Variants in KIAA1191 observed in about 807,000 individuals in gnomAD.
The protein encoded by KIAA1191 is putative monooxygenase p33MONOX.
A neutral mutation model predicts 31.1 loss-of-function variants in KIAA1191; 22 were observed. The observed-to-expected ratio is 0.71, with a 90% CI of 0.51 to 1.01. The LOEUF is 1.01. Ranked by LOEUF, KIAA1191 falls within the 50% of genes least tolerant of loss-of-function variation. The pLI, the probability that KIAA1191 is intolerant of heterozygous loss-of-function variation, is 0.00. For missense variants in KIAA1191, 319 were observed against 388.0 expected (o/e 0.82, Z 1.49); for synonymous variants, 130 against 143.9 (o/e 0.90, Z 0.69).
Position 176,346,870 on chromosome 5 carries a change from G to A in KIAA1191, c.*730C>T, listed in dbSNP as rs540601050. On this transcript the variant is annotated 3_prime_UTR_variant, in exon 9 of 9. Coordinates refer to ENST00000298569, the MANE Select transcript of KIAA1191 (RefSeq NM_020444.5). ...GGAGCACAGCACCAGTCATCAACAG[G>A]GCCAAAGTCGTCTTAGCGAGTCAGT... is the stretch of plus-strand genomic sequence containing the variant. The A allele has an allele frequency of 6.6e-6, 1 of 152,232 alleles. No homozygotes were observed. The highest frequency in any genetic ancestry group is 2.1e-4 in the South Asian group (1 of 4,820). 9.4% of individuals were successfully genotyped at this position (152,232 alleles called of 1,614,324 possible). A position where few individuals can be genotyped will look rare whatever the true frequency, so the allele number is the denominator to read the frequency against.
chr5:176,349,845 C>T (rs775172534), intron 6 of KIAA1191, among the ~76,000 whole-genome samples: 14 of 151,978 alleles, frequency 9.2e-5, no homozygotes, highest in East Asian at 1.9e-4. Context: ...TGGATTCTGA[C>T]CCCCCCTTGC....
intron 3 of KIAA1191, 104 bp downstream of exon 3, chr5:176,359,377 G>T: frequency 1.0e-6 from 1 of 999,904 alleles, no homozygotes; most frequent in Non-Finnish European, 1.6e-6. Flanking sequence ...TCGCTTGGTA[G>T]CAGAGATTAA....
At chr5:176,357,390 T>C (rs546098725) in intron 3 of KIAA1191, 1 of 152,294 alleles carries the variant, frequency 6.6e-6, no homozygotes, top group East Asian at 1.9e-4. Flanking sequence ...ATCACGACAT[T>C]GTTCACTTTC....
rs1766585381 is a variant in KIAA1191 at position 176,347,259 on chromosome 5, T to C, written c.*341A>G. 6.0e-6 allele frequency: 1 copy of C among 165,866 alleles called. No individual in the cohort carries two copies. The highest frequency in any genetic ancestry group is 1.3e-5 in the Non-Finnish European group (1 of 77,346). The allele number at this position is 165,866 out of a possible 1,614,324, so 10.3% of individuals were successfully genotyped here. On this transcript the variant is annotated 3_prime_UTR_variant, in exon 9 of 9. Transcript: ENST00000298569. ...TTCTGTCGCCCAGGCTGGAGTGTAA[T>C]GGCATGATCTCAGCTCGGTACAACA...
intron 6 of KIAA1191, 84 bp from the exon 7 acceptor site, chr5:176,348,440 C>T (rs1766711820): frequency 5.2e-6 from 5 of 955,696 alleles, no homozygotes; most frequent in Admixed American, 2.2e-5. Context: ...AAATTTGGTT[C>T]GCATTCTAAC....
chr5:176,355,489 A>C lies in KIAA1191; in HGVS notation c.207+82T>G. The C allele has an allele frequency of 7.4e-7, 1 of 1,351,542 alleles. No homozygotes were observed. The highest frequency in any genetic ancestry group is 1.0e-6 in the Non-Finnish European group (1 of 968,152). The allele number at this position is 1,351,542 out of a possible 1,614,324, so 83.7% of individuals were successfully genotyped here. Reference sequence around the variant, plus strand: ...GTGGTTGCTGCCCAGTCCCATGGGCACAGGGAGCCACTGAAGGCTTCTGGA... The same window carrying C: ...GTGGTTGCTGCCCAGTCCCATGGGCCCAGGGAGCCACTGAAGGCTTCTGGA... On this transcript the variant is annotated intron_variant, in intron 4 of 8. Coordinates refer to ENST00000298569, the MANE Select transcript of KIAA1191 (RefSeq NM_020444.5). The surrounding 1 kb of genome is among the most constrained non-coding windows in gnomAD (Gnocchi z 4.2).
At chr5:176,354,178 G>A (rs1256943872) in intron 4 of KIAA1191, 1 of 152,240 alleles carries the variant, frequency 6.6e-6, no homozygotes, top group African/African-American at 2.4e-5. Context: ...TACATCCCCT[G>A]ACTGAATCCC....
chr5:176,349,094 T>C (rs1268910757), intron 6 of KIAA1191: 1 of 152,228 alleles, frequency 6.6e-6, no homozygotes, highest in Non-Finnish European at 1.5e-5. Context: ...TGTTACAAGA[T>C]GTAAGTTACA....
chr5:176,347,785 G>A lies in KIAA1191; in HGVS notation c.733C>T (p.Arg245Ter), dbSNP rs1054413164. The A allele has an allele frequency of 2.5e-6, 4 of 1,601,010 alleles. No homozygotes were observed. Among genetic ancestry groups the A allele is most frequent in the Non-Finnish European group, 3.4e-6 (4 of 1,174,050 alleles). Residue 245 changes from arginine (R) to a stop codon, truncating the protein, a stop_gained, in exon 9 of 9, where the codon CGA (arginine) becomes TGA (stop). Coordinates refer to ENST00000298569, the MANE Select transcript of KIAA1191 (RefSeq NM_020444.5). LOFTEE classifies it high-confidence loss of function. ...DSGSFATQAY[R>*]GAQKPSPLEL... ...AATGGAGAGGGCTTCTGGGCTCCTC[G>A]GTAGGCCTGGGTGGCAAAACTTCCT...
chr5:176,355,103 G>A lies in KIAA1191; in HGVS notation c.207+468C>T, dbSNP rs1224961642. ...GTAACTTGCACAGTTCAAGCACTGG[G>A]TAGGGGAGCTGGAGAGATGCAGGCA... On this transcript the variant is annotated intron_variant, in intron 4 of 8. Transcript: ENST00000298569. The surrounding 1 kb of genome is among the most constrained non-coding windows in gnomAD (Gnocchi z 4.2). Among the ~76,000 whole-genome samples the A allele has an allele frequency of 6.6e-6, 1 of 152,182 alleles. No individual in the cohort carries two copies. The highest frequency in any genetic ancestry group is 6.5e-5 in the Admixed American group (1 of 15,278).
rs11542891 is a variant in KIAA1191 at position 176,355,638 on chromosome 5, G to A, written c.140C>T (p.Pro47Leu). ...CCAAGGGACGCTGCCCATGTCCGAT[G>A]GAGGAGGAGTCATGGGCGCAGGGTC... ...LEDPAPMTPP[P>L]SDMGSVPWKP... is the part of the protein sequence containing the mutation. Residue 47 changes from proline to leucine, a missense_variant, in exon 4 of 9, where the codon CCA becomes CTA. By Grantham distance (98) the Pro-to-Leu change is moderately conservative. Transcript: ENST00000298569. The surrounding 1 kb of genome is among the most constrained non-coding windows in gnomAD (Gnocchi z 4.2). The A allele has an allele frequency of 1.2e-6, 2 of 1,612,830 alleles. No homozygotes were observed. Among genetic ancestry groups the A allele is most frequent in the Non-Finnish European group, 1.7e-6 (2 of 1,179,972 alleles).
chr5:176,348,412 G>C (rs2113456824), intron 6 of KIAA1191, 56 bp from the exon 7 acceptor site: 1 of 1,358,808 alleles, frequency 7.4e-7, no homozygotes, highest in Non-Finnish European at 1.0e-6. Flanking sequence ...ATTCCAAACA[G>C]ATAAGTCTAG....
Position 176,359,463 on chromosome 5 carries a change from A to T in KIAA1191, c.28+18T>A. 1 of 1,612,660 alleles carries T rather than the reference A, an allele frequency of 6.2e-7. No homozygotes were observed. The highest frequency in any genetic ancestry group is 8.5e-7 in the Non-Finnish European group (1 of 1,178,826). On this transcript the variant is annotated intron_variant, in intron 3 of 8. Coordinates refer to ENST00000298569, the MANE Select transcript of KIAA1191 (RefSeq NM_020444.5). Reference sequence around the variant, plus strand: ...AATAAGGGCAAAACATGATTTTACCAAAAAGAATTAAGTTTACCAGGCACT... The same window carrying T: ...AATAAGGGCAAAACATGATTTTACCTAAAAGAATTAAGTTTACCAGGCACT...
At position 176,347,646 on chromosome 5, in the gene KIAA1191, T is replaced by A. The variant is rs763188215; in HGVS notation, c.872A>T (p.Asn291Ile). 6 of 1,551,654 alleles carry A rather than the reference T, an allele frequency of 3.9e-6. No individual in the cohort carries two copies. The highest frequency in any genetic ancestry group is 1.7e-4 in the Middle Eastern group (1 of 5,726). ...CACATTCAGGTCACGGGGTTTGAGG[T>A]TATGGGCCCGTGGTGGCTGTTTCTT... is the stretch of plus-strand genomic sequence containing the variant. ...EGKKQPPRAHNLKPRDLNVLT... is the reference protein window; with the variant it reads ...EGKKQPPRAHILKPRDLNVLT... Residue 291 changes from asparagine (N) to isoleucine (I), a missense_variant, in exon 9 of 9, where the codon AAC (asparagine) becomes ATC (isoleucine). Physicochemically the swap from Asn to Ile is moderately radical, Grantham distance 149. Transcript: ENST00000298569.
intron 3 of KIAA1191, 118 bp downstream of exon 3, chr5:176,359,363 A>T (rs2113517502): frequency 1.1e-6 from 1 of 905,364 alleles, no homozygotes; most frequent in East Asian, 2.5e-5. Context: ...GTAAATCTAA[A>T]TACTCGCTTG....
At position 176,355,594 on chromosome 5, in the gene KIAA1191, G is replaced by A. The variant is rs765142670; in HGVS notation, c.184C>T (p.Arg62Cys). The A allele has an allele frequency of 9.6e-5, 155 of 1,611,166 alleles. No homozygotes were observed. Among genetic ancestry groups the A allele is most frequent in the Non-Finnish European group, 1.2e-4 (141 of 1,179,176 alleles). ...ACCTTGGCGAGGTGCTGATACTTGC[G>A]CTCTGGAATCACTGGCTTCCAAGGG... is the stretch of plus-strand genomic sequence containing the variant. ...SVPWKPVIPE[R>C]KYQHLAKVEE... The change falls in exon 4 of 9, where the codon CGC becomes TGC. Residue 62 changes from arginine to cysteine, a missense_variant. Coordinates refer to ENST00000298569, the MANE Select transcript of KIAA1191 (RefSeq NM_020444.5). This position sits in a 1 kb window ranked among gnomAD's most constrained non-coding sequence, Gnocchi z 4.2.
Position 176,350,667 on chromosome 5 carries a change from G to A in KIAA1191, c.405C>T (p.His135=), listed in dbSNP as rs1766916808. Residue 135 remains histidine, a synonymous_variant, in exon 6 of 9, where the codon CAC becomes CAT. Transcript: ENST00000298569. ...AGLRDAGYTP[H]KGLTTEETKY... ...TGGTCTCCTCGGTGGTGAGGCCCTT[G>A]TGGGGTGTGTAGCCAGCATCTCTCA... 1 of 1,614,068 alleles carries A rather than the reference G, an allele frequency of 6.2e-7. No homozygotes were observed. The highest frequency in any genetic ancestry group is 1.3e-5 in the African/African-American group (1 of 75,018).
chr5:176,353,339 A>G (rs954140388), intron 4 of KIAA1191: 1 of 152,212 alleles, frequency 6.6e-6, no homozygotes, highest in Non-Finnish European at 1.5e-5. Context: ...GAAACAAACA[A>G]AAAAAATCTA....
At chr5:176,348,848 C>T in intron 6 of KIAA1191, 1 of 158,048 alleles carries the variant, frequency 6.3e-6, no homozygotes, top group Non-Finnish European at 1.4e-5. Flanking sequence ...TTCTCTCCTC[C>T]TTCTCTCCCA....
Sources: allele counts gnomAD v4.1 joint callset (sites outside exome capture counted in the v4.1 genomes callset), GRCh38; gene constraint gnomAD v4.1.1; non-coding constraint Gnocchi (gnomAD v3.1); transcripts MANE v1.5; gene names NCBI Gene and HGNC (gene_info 2026-07-23, HGNC 2026-07-21).